The following PRKN variants were observed in gnomAD, a reference collection of about 807,000 sequenced individuals.
The protein encoded by PRKN is parkin RBR E3 ubiquitin protein ligase.
In PRKN, 56 loss-of-function variants were observed where a neutral mutation model predicts 59.5. That is an observed-to-expected ratio of 0.94 (90% CI 0.76 to 1.18). The LOEUF (loss-of-function observed/expected upper bound fraction) is 1.18, where lower values mean the gene tolerates loss of function less well. PRKN is among the 50% of genes most tolerant of loss of function. The probability of loss-of-function intolerance (pLI) is 0.00; values close to 1 mark genes in which losing one functional copy is unlikely to be tolerated. For missense variants in PRKN, 657 were observed against 596.4 expected, an observed-to-expected ratio of 1.10 and a Z score of -1.06; for synonymous variants, 250 against 222.1, an observed-to-expected ratio of 1.13 and a Z score of -1.12.
intron 2 of PRKN, among the ~76,000 whole-genome samples, chr6:162,310,603 G>C (rs926767816): frequency 6.6e-6 from 1 of 152,028 alleles, no homozygotes; most frequent in Non-Finnish European, 1.5e-5. Flanking sequence ...TGTGGGGTGG[G>C]GGGAGCGGGG....
intron 7 of PRKN, among the ~76,000 whole-genome samples, chr6:161,749,266 T>C (rs1207876961): frequency 6.6e-6 from 1 of 152,212 alleles, no homozygotes; most frequent in East Asian, 1.9e-4. Context: ...ACATCTATCT[T>C]TGTAAGCCAC....
chr6:162,528,636 T>C (rs1041177784), intron 1 of PRKN, among the ~76,000 whole-genome samples: 3 of 151,348 alleles, frequency 2.0e-5, no homozygotes, highest in South Asian at 2.1e-4. Context: ...ATGCAAAGAG[T>C]TGATATGAAA....
At position 161,397,087 on chromosome 6, in the gene PRKN, C is replaced by T. The variant is rs575052548; in HGVS notation, c.1084-10210G>A. On this transcript the variant is annotated intron_variant, in intron 9 of 11. Transcript: ENST00000366898. This position sits in a 1 kb window ranked among gnomAD's most constrained non-coding sequence, Gnocchi z 4.2. ...TTTTCTTCCCAAGCCCTGTTTCTTA[C>T]TCATACCTCTATTAAACTGTTTCAC... Among the ~76,000 whole-genome samples the T allele has an allele frequency of 1.2e-4, 18 of 152,316 alleles. 1 individual carries two copies. The South Asian group carries it at 3.7e-3, about 32-fold the overall frequency.
intron 4 of PRKN, among the ~76,000 whole-genome samples, chr6:162,195,281 T>C (rs1173355063): frequency 1.3e-5 from 2 of 152,088 alleles, no homozygotes; most frequent in East Asian, 3.9e-4. Context: ...AAATCTACAA[T>C]AAGCAAAGAG....
At chr6:161,961,290 A>G (rs1780366822) in intron 6 of PRKN, among the ~76,000 whole-genome samples, 1 of 152,158 alleles carries the variant, frequency 6.6e-6, no homozygotes, top group African/African-American at 2.4e-5. Context: ...CGGTCTGGTC[A>G]TTTCCAGGGT....
chr6:162,675,143 T>A (rs1779489945), intron 1 of PRKN, among the ~76,000 whole-genome samples: 1 of 45,340 alleles, frequency 2.2e-5, no homozygotes, highest in South Asian at 4.3e-4. Flanking sequence ...GCCTCCCAGG[T>A]TCAAGCGAAT....
At chr6:161,835,628 G>A (rs1280097427) in intron 6 of PRKN, among the ~76,000 whole-genome samples, 4 of 152,194 alleles carry the variant, frequency 2.6e-5, no homozygotes, top group African/African-American at 4.8e-5. Context: ...GGGGATAGGC[G>A]GCACCGGCTT....
At chr6:161,807,320 C>A (rs555850216) in intron 6 of PRKN, among the ~76,000 whole-genome samples, 2 of 152,246 alleles carry the variant, frequency 1.3e-5, no homozygotes, top group East Asian at 3.9e-4. Flanking sequence ...CATATATATA[C>A]ACAAAGATAC....
intron 6 of PRKN, among the ~76,000 whole-genome samples, chr6:161,868,260 T>C (rs1241393144): frequency 6.8e-6 from 1 of 147,008 alleles, no homozygotes; most frequent in Non-Finnish European, 1.5e-5. Flanking sequence ...GATCCTAAAA[T>C]AAGAGGTGAT....
Position 162,344,498 on chromosome 6 carries a change from C to A in PRKN, c.172-81733G>T, listed in dbSNP as rs1784315012. Among the ~76,000 whole-genome samples, 5 of 151,950 alleles carry A rather than the reference C, an allele frequency of 3.3e-5. No homozygotes were observed. In the South Asian group the frequency reaches 1.0e-3, roughly 32 times the overall value. ...AAATGATGCCAAGGGGTGTTACGTG[C>A]TGGAAACTAGAGCAACTGAGCCAAA... On this transcript the variant is annotated intron_variant, in intron 2 of 11. Coordinates refer to ENST00000366898, the MANE Select transcript of PRKN (RefSeq NM_004562.3).
intron 4 of PRKN, among the ~76,000 whole-genome samples, chr6:162,090,002 C>T (rs913455134): frequency 6.6e-6 from 1 of 152,108 alleles, no homozygotes; most frequent in South Asian, 2.1e-4. Context: ...GAATACACTA[C>T]TAAACTGTAC....
intron 6 of PRKN, among the ~76,000 whole-genome samples, chr6:161,906,471 CCT>C (rs1562381512): frequency 6.6e-6 from 1 of 151,958 alleles, no homozygotes; most frequent in Non-Finnish European, 1.5e-5. Context: ...GCTTAAGGGA[CCT>C]CTCTGGCCAA....
At position 161,376,940 on chromosome 6, in the gene PRKN, C is replaced by A. The variant is rs1349643974; in HGVS notation, c.1167+9854G>T. On this transcript the variant is annotated intron_variant, in intron 10 of 11. Coordinates refer to ENST00000366898, the MANE Select transcript of PRKN (RefSeq NM_004562.3). This position sits in a 1 kb window ranked among gnomAD's most constrained non-coding sequence, Gnocchi z 7.3. Reference sequence around the variant, plus strand: ...AAATGGAGTTAGAGCTGGAATCCCTCCCGCCAGTGGCCAAAGAGGAGCCTG... The same window carrying A: ...AAATGGAGTTAGAGCTGGAATCCCTACCGCCAGTGGCCAAAGAGGAGCCTG... 2.0e-5 allele frequency among the ~76,000 whole-genome samples: 3 copies of A among 152,210 alleles called. No homozygotes were observed. Among genetic ancestry groups the A allele is most frequent in the Non-Finnish European group, 4.4e-5 (3 of 68,036 alleles).
chr6:162,505,197 C>T (rs547024666), intron 1 of PRKN, among the ~76,000 whole-genome samples: 233 of 152,226 alleles, frequency 1.5e-3, no homozygotes, highest in African/African-American at 5.3e-3. Context: ...TACCTATGTT[C>T]TAGGGGCACT....
At chr6:162,420,849 G>C (rs9365418) in intron 2 of PRKN, among the ~76,000 whole-genome samples, 78,265 of 152,004 alleles carry the variant, frequency 0.51, 20,524 homozygotes, top group East Asian at 0.69. Context: ...GTCAGCAGCG[G>C]TTGGAACTCT....
intron 2 of PRKN, among the ~76,000 whole-genome samples, chr6:162,348,188 C>G (rs1053874089): frequency 1.3e-5 from 2 of 152,144 alleles, no homozygotes; most frequent in African/African-American, 4.8e-5. Flanking sequence ...GAAAACCTTG[C>G]TGGTTCACAG....
intron 1 of PRKN, among the ~76,000 whole-genome samples, chr6:162,640,351 T>C (rs371950243): frequency 6.6e-6 from 1 of 152,296 alleles, no homozygotes; most frequent in East Asian, 1.9e-4. Flanking sequence ...TTATTGAATC[T>C]TACCCAAATA....
intron 4 of PRKN, among the ~76,000 whole-genome samples, chr6:162,131,236 C>T (rs141512658): frequency 6.6e-6 from 1 of 152,156 alleles, no homozygotes; most frequent in Non-Finnish European, 1.5e-5. Flanking sequence ...CACATGATGA[C>T]ACCCTCTAAA....
chr6:162,613,365 T>C (rs1178723363), intron 1 of PRKN, among the ~76,000 whole-genome samples: 3 of 152,252 alleles, frequency 2.0e-5, no homozygotes, highest in Non-Finnish European at 4.4e-5. Context: ...TAATACCCAA[T>C]GAGATAAATT....
Sources: allele counts gnomAD v4.1 joint callset (sites outside exome capture counted in the v4.1 genomes callset), GRCh38; gene constraint gnomAD v4.1.1; non-coding constraint Gnocchi (gnomAD v3.1); transcripts MANE v1.5; gene names NCBI Gene and HGNC (gene_info 2026-07-23, HGNC 2026-07-21).